IQCM: variants seen among roughly 807,000 people sequenced by gnomAD.
The protein encoded by IQCM is IQ motif containing M.
IQCM carries 45 observed loss-of-function variants against 57.6 expected under a neutral mutation model. The observed-to-expected ratio is 0.78, with a 90% CI of 0.62 to 1.00. IQCM has a LOEUF of 1.00. Among genes scored for constraint, IQCM ranks in the 50% least tolerant of loss-of-function variants. The probability of loss-of-function intolerance (pLI) is 0.00; values close to 1 mark genes in which losing one functional copy is unlikely to be tolerated. For missense variants in IQCM, 468 were observed against 511.6 expected, an observed-to-expected ratio of 0.91 and a Z score of 0.82; for synonymous variants, 148 against 158.9, an observed-to-expected ratio of 0.93 and a Z score of 0.51.
intron 2 of IQCM, among the ~76,000 whole-genome samples, chr4:149,759,190 C>T (rs1287025739): frequency 4.6e-5 from 7 of 152,110 alleles, no homozygotes. Context: ...ATAATTTCAA[C>T]TATATGATAT....
intron 13 of IQCM, among the ~76,000 whole-genome samples, chr4:149,403,314 C>T (rs368445060): frequency 2.6e-5 from 4 of 151,912 alleles, no homozygotes; most frequent in African/African-American, 4.8e-5. Context: ...AAAGCACTTA[C>T]GTAGTTGGCA....
chr4:149,616,613 TA>T (rs1341664961), intron 8 of IQCM, among the ~76,000 whole-genome samples: 1 of 152,072 alleles, frequency 6.6e-6, no homozygotes, highest in Non-Finnish European at 1.5e-5. Context: ...TTACAAAATA[TA>T]AATTTATAAA....
chr4:149,541,021 T>A (rs1747798577), intron 12 of IQCM, among the ~76,000 whole-genome samples: 1 of 152,214 alleles, frequency 6.6e-6, no homozygotes, highest in Non-Finnish European at 1.5e-5. Context: ...CCTCTATTTT[T>A]AAAATGTCCT....
chr4:149,766,007 A>G (rs1190220503), intron 2 of IQCM, among the ~76,000 whole-genome samples: 1 of 152,064 alleles, frequency 6.6e-6, no homozygotes, highest in Admixed American at 6.6e-5. Flanking sequence ...ATCCTTAAAA[A>G]TCCTAGCCTC....
intron 2 of IQCM, among the ~76,000 whole-genome samples, chr4:149,763,066 A>C (rs1289642715): frequency 1.3e-5 from 2 of 152,128 alleles, no homozygotes; most frequent in Non-Finnish European, 2.9e-5. Flanking sequence ...TCAATTAGTC[A>C]CATTAAAATC....
chr4:149,429,452 C>T (rs1734672450), intron 13 of IQCM, among the ~76,000 whole-genome samples: 1 of 151,786 alleles, frequency 6.6e-6, no homozygotes, highest in South Asian at 2.1e-4. Flanking sequence ...ATTCCAGTTA[C>T]AATCAAGCCA....
At chr4:149,605,718 A>G (rs1384349809) in intron 8 of IQCM, among the ~76,000 whole-genome samples, 2 of 152,176 alleles carry the variant, frequency 1.3e-5, no homozygotes, top group Admixed American at 1.3e-4. Flanking sequence ...GGAGGCAGTG[A>G]ACTTGGGGTG....
At chr4:149,579,842 A>G (rs1752010991) in intron 9 of IQCM, among the ~76,000 whole-genome samples, 1 of 151,814 alleles carries the variant, frequency 6.6e-6, no homozygotes, top group Non-Finnish European at 1.5e-5. Flanking sequence ...ACTTCATCCT[A>G]TCCCAAGATC....
intron 5 of IQCM, among the ~76,000 whole-genome samples, chr4:149,728,099 C>T (rs1387958979): frequency 6.6e-6 from 1 of 152,184 alleles, no homozygotes; most frequent in Non-Finnish European, 1.5e-5. Flanking sequence ...TGTTCTTATA[C>T]AGTCTCAGCT....
chr4:149,381,404 T>C (rs1731065412), intron 13 of IQCM, among the ~76,000 whole-genome samples: 1 of 152,100 alleles, frequency 6.6e-6, no homozygotes, highest in Non-Finnish European at 1.5e-5. Flanking sequence ...ACGCCAAAAA[T>C]CTTATAATGG....
At chr4:149,504,912 G>T (rs972217991) in intron 12 of IQCM, among the ~76,000 whole-genome samples, 1 of 152,066 alleles carries the variant, frequency 6.6e-6, no homozygotes, top group African/African-American at 2.4e-5. Flanking sequence ...GAGAGAGAGA[G>T]AGACCCTGGG....
At chr4:149,773,287 G>A (rs961914733) in intron 2 of IQCM, among the ~76,000 whole-genome samples, 1 of 151,824 alleles carries the variant, frequency 6.6e-6, no homozygotes, top group African/African-American at 2.4e-5. Flanking sequence ...GGGAGGCAGA[G>A]CTTGCAGTGA....
At chr4:149,661,017 A>G (rs1001272630) in intron 7 of IQCM, among the ~76,000 whole-genome samples, 7 of 152,118 alleles carry the variant, frequency 4.6e-5, no homozygotes, top group South Asian at 2.1e-4. Flanking sequence ...AAAACTAAAA[A>G]TAAAAAAATA....
At chr4:149,736,489 T>C (rs1766957224) in intron 3 of IQCM, among the ~76,000 whole-genome samples, 1 of 152,144 alleles carries the variant, frequency 6.6e-6, no homozygotes, top group Non-Finnish European at 1.5e-5. Flanking sequence ...TTTAAATATA[T>C]TACCTATTCA....
chr4:149,684,675 CA>C (rs1554021598), intron 6 of IQCM, among the ~76,000 whole-genome samples: 1 of 151,246 alleles, frequency 6.6e-6, no homozygotes, highest in East Asian at 1.9e-4. Flanking sequence ...AACTCGATTT[CA>C]AAAAAAATTT....
chr4:149,547,639 T>TA (rs1553993184), intron 12 of IQCM, among the ~76,000 whole-genome samples: 1 of 152,150 alleles, frequency 6.6e-6, no homozygotes, highest in Non-Finnish European at 1.5e-5. Context: ...GAAGAGTTCT[T>TA]ATGTGTCCTC....
rs901574434 is a variant in IQCM, at chr4:149,800,458, C to T, written c.-49+14853G>A. On this transcript the variant is annotated intron_variant, in intron 2 of 13. Transcript: ENST00000636793. The stretch of plus-strand genomic sequence containing the variant: ...GGAACACAAGAATGCCTACTTTCAC[C>T]ACTGTTATTCAGCTTAGTACTGGAA... 1.3e-5 allele frequency among the ~76,000 whole-genome samples: 2 copies of T among 151,926 alleles called. 1 individual carries two copies. The highest frequency in any genetic ancestry group is 4.1e-4 in the South Asian group (2 of 4,838).
intron 9 of IQCM, among the ~76,000 whole-genome samples, chr4:149,577,057 A>G (rs1243404831): frequency 1.3e-5 from 2 of 151,904 alleles, no homozygotes; most frequent in African/African-American, 2.4e-5. Flanking sequence ...ATGTCTGTTC[A>G]TGTCCTTTGC....
chr4:149,739,451 C>T (rs1767241756), intron 3 of IQCM, among the ~76,000 whole-genome samples: 1 of 132,682 alleles, frequency 7.5e-6, no homozygotes, highest in African/African-American at 3.0e-5. Flanking sequence ...AACTTTTCCC[C>T]AACAGTGTTT....
Sources: allele counts gnomAD v4.1 joint callset (sites outside exome capture counted in the v4.1 genomes callset), GRCh38; gene constraint gnomAD v4.1.1; transcripts MANE v1.5; gene names NCBI Gene and HGNC (gene_info 2026-07-23, HGNC 2026-07-21).